Variants in CAMTA1 observed in about 807,000 individuals in gnomAD.
CAMTA1 encodes the protein calmodulin binding transcription activator 1, also known as calmodulin-binding transcription activator 1.
Under a neutral mutation model 170.9 loss-of-function variants are expected in CAMTA1, and 27 were observed. The ratio of observed to expected loss-of-function variants is 0.16; its 90% CI spans 0.12 to 0.22. The LOEUF (loss-of-function observed/expected upper bound fraction) is 0.22, where lower values mean the gene tolerates loss of function less well. Among genes scored for constraint, CAMTA1 ranks in the 10% least tolerant of loss-of-function variants. CAMTA1 has a pLI of 1.00. For synonymous variants in CAMTA1, 833 were observed against 891.5 expected (o/e 0.93, Z 1.17); for missense variants, 1,619 against 2,217.2 (o/e 0.73, Z 5.42).
At chr1:7,500,231 G>A (rs2093975135) in intron 6 of CAMTA1, among the ~76,000 whole-genome samples, 1 of 141,320 alleles carries the variant, frequency 7.1e-6, no homozygotes, top group Non-Finnish European at 1.5e-5. Context: ...GTGTATGTGT[G>A]TTCATGAGTG....
intron 4 of CAMTA1, among the ~76,000 whole-genome samples, chr1:7,177,468 A>T (rs1651113085): frequency 7.7e-6 from 1 of 130,310 alleles, no homozygotes; most frequent in Non-Finnish European, 1.7e-5. Flanking sequence ...CCACACCCTG[A>T]GGCCCCCCCA....
intron 4 of CAMTA1, among the ~76,000 whole-genome samples, chr1:7,104,115 C>A (rs1643277540): frequency 1.8e-5 from 1 of 55,110 alleles, no homozygotes; most frequent in Admixed American, 1.6e-4. Flanking sequence ...CACACATGTA[C>A]ACACAACACA....
intron 7 of CAMTA1, among the ~76,000 whole-genome samples, chr1:7,646,385 G>T (rs1387200174): frequency 6.9e-6 from 1 of 145,146 alleles, no homozygotes; most frequent in African/African-American, 2.6e-5. Flanking sequence ...CATAGTGAGT[G>T]TGGTTGGAGG....
chr1:6,914,749 G>C (rs1486953509), intron 3 of CAMTA1, among the ~76,000 whole-genome samples: 1 of 152,204 alleles, frequency 6.6e-6, no homozygotes, highest in Non-Finnish European at 1.5e-5. Context: ...GTTTAGCTGG[G>C]CTGAGGCGCT....
chr1:7,382,723 C>G (rs2087474903), intron 5 of CAMTA1: 1 of 152,158 alleles, frequency 6.6e-6, no homozygotes, highest in South Asian at 2.1e-4. Flanking sequence ...GATGAGCCCT[C>G]CTGCAGGCAA....
chr1:7,004,007 A>T (rs571808363), intron 3 of CAMTA1, among the ~76,000 whole-genome samples: 1 of 152,346 alleles, frequency 6.6e-6, no homozygotes, highest in East Asian at 1.9e-4. Context: ...AGCTGTTCTG[A>T]GATGATTTCA....
At chr1:7,395,711 G>A (rs1045295647) in intron 5 of CAMTA1, among the ~76,000 whole-genome samples, 3 of 152,002 alleles carry the variant, frequency 2.0e-5, no homozygotes, top group Non-Finnish European at 4.4e-5. Context: ...ATGAATATGG[G>A]ATATCTTTTC....
At chr1:7,096,648 A>C (rs912698370) in intron 4 of CAMTA1, among the ~76,000 whole-genome samples, 1 of 151,490 alleles carries the variant, frequency 6.6e-6, no homozygotes, top group African/African-American at 2.4e-5. Flanking sequence ...TTAGCCACCA[A>C]CTCCGTCAGT....
chr1:7,652,444 G>T (rs2095854059), intron 7 of CAMTA1, among the ~76,000 whole-genome samples: 1 of 152,206 alleles, frequency 6.6e-6, no homozygotes, highest in South Asian at 2.1e-4. Context: ...AGTGACAGCT[G>T]ACCTGACCCC....
chr1:7,353,692 G>A (rs542765596), intron 5 of CAMTA1, among the ~76,000 whole-genome samples: 20 of 152,146 alleles, frequency 1.3e-4, no homozygotes, highest in African/African-American at 4.8e-4. Flanking sequence ...CTAAAGTGCT[G>A]GGATTACAGG....
chr1:7,551,759 T>C (rs1333518446), intron 6 of CAMTA1, among the ~76,000 whole-genome samples: 2 of 152,340 alleles, frequency 1.3e-5, no homozygotes, highest in East Asian at 1.9e-4. Flanking sequence ...GCACTGGGTC[T>C]CTGCTGCTGG....
intron 3 of CAMTA1, among the ~76,000 whole-genome samples, chr1:6,901,052 T>G (rs1445126229): frequency 6.6e-6 from 1 of 152,160 alleles, no homozygotes; most frequent in Non-Finnish European, 1.5e-5. Flanking sequence ...GACATATAAA[T>G]CAATGGAACC....
In CAMTA1 at chr1:7,286,752, A is replaced by G. The variant is rs1424845980; in HGVS notation, c.438+37126A>G. On this transcript the variant is annotated intron_variant, in intron 5 of 22. Transcript: ENST00000303635. The surrounding 1 kb of genome is among the most constrained non-coding windows in gnomAD (Gnocchi z 4.2). ...CAACAAGTTAGAGATTTGGGGAGCT[A>G]TTGAGGCTGAGTGGAAAGAGTGAAA... Among the ~76,000 whole-genome samples, 1 of 152,216 alleles carries G rather than the reference A, an allele frequency of 6.6e-6. No individual in the cohort carries two copies. The highest frequency in any genetic ancestry group is 1.9e-4 in the East Asian group (1 of 5,188).
In CAMTA1 at chr1:7,580,126, C is replaced by T. The variant is rs997624999; in HGVS notation, c.511-60274C>T. 1.3e-5 allele frequency among the ~76,000 whole-genome samples: 2 copies of T among 152,272 alleles called. No individual in the cohort carries two copies. Among genetic ancestry groups the T allele is most frequent in the Non-Finnish European group, 2.9e-5 (2 of 68,048 alleles). ...GCGGACCACAGGGAGCATCCCTGCC[C>T]ACAGCGGGCTCACAGTCCGAGAGGA... is the stretch of plus-strand genomic sequence containing the variant. On this transcript the variant is annotated intron_variant, in intron 6 of 22. Coordinates refer to ENST00000303635, the MANE Select transcript of CAMTA1 (RefSeq NM_015215.4). The surrounding 1 kb of genome is among the most constrained non-coding windows in gnomAD (Gnocchi z 4.3).
rs139696913 is a variant in CAMTA1, at chr1:6,924,105, G to A, written c.234+98895G>A. On this transcript the variant is annotated intron_variant, in intron 3 of 22. Coordinates refer to ENST00000303635, the MANE Select transcript of CAMTA1 (RefSeq NM_015215.4). ...GCAGGCTGAGCCTGGCTGGCCACAC[G>A]GCATGACTTTGTTCATGTCATGAAT... Among the ~76,000 whole-genome samples the A allele has an allele frequency of 1.4e-3, 212 of 152,300 alleles. 1 individual carries two copies. Among genetic ancestry groups the A allele is most frequent in the Middle Eastern group, 3.4e-3 (1 of 294 alleles).
rs559714450 is a variant in CAMTA1, at chr1:7,267,806, T to C, written c.438+18180T>C. On this transcript the variant is annotated intron_variant, in intron 5 of 22. Coordinates refer to ENST00000303635, the MANE Select transcript of CAMTA1 (RefSeq NM_015215.4). ...TGGGATCTTGGGGCCCTGACACAGC[T>C]GGTGAGCAACATTCTGATGCATGTT... 4.6e-5 allele frequency among the ~76,000 whole-genome samples: 7 copies of C among 152,284 alleles called. No individual in the cohort carries two copies. In the East Asian group the frequency reaches 1.4e-3, roughly 29 times the overall value.
intron 7 of CAMTA1, among the ~76,000 whole-genome samples, chr1:7,647,220 A>C (rs546537184): frequency 6.8e-6 from 1 of 147,542 alleles, no homozygotes; most frequent in East Asian, 2.1e-4. Flanking sequence ...CTGGGGTTGT[A>C]TGTTCAGTGC....
chr1:7,446,825 C>T (rs1018862385), intron 5 of CAMTA1, among the ~76,000 whole-genome samples: 1 of 152,200 alleles, frequency 6.6e-6, no homozygotes, highest in African/African-American at 2.4e-5. Flanking sequence ...GGGTGCTCCC[C>T]TGGGGTTCTG....
chr1:6,974,969 C>T (rs1424582845), intron 3 of CAMTA1, among the ~76,000 whole-genome samples: 1 of 152,228 alleles, frequency 6.6e-6, no homozygotes, highest in Non-Finnish European at 1.5e-5. Flanking sequence ...TCACTTCTGA[C>T]GAGTTTACAA....
Sources: allele counts gnomAD v4.1 joint callset (sites outside exome capture counted in the v4.1 genomes callset), GRCh38; gene constraint gnomAD v4.1.1; non-coding constraint Gnocchi (gnomAD v3.1); transcripts MANE v1.5; gene names NCBI Gene and HGNC (gene_info 2026-07-23, HGNC 2026-07-21).